PTPN11: variants seen among roughly 807,000 people sequenced by gnomAD.
PTPN11 encodes the protein protein tyrosine phosphatase non-receptor type 11, also known as tyrosine-protein phosphatase non-receptor type 11.
In PTPN11, 6 loss-of-function variants were observed where a neutral mutation model predicts 78.8. The observed-to-expected ratio is 0.08, with a 90% CI of 0.04 to 0.15. The LOEUF (loss-of-function observed/expected upper bound fraction) is 0.15, where lower values mean the gene tolerates loss of function less well. Among genes scored for constraint, PTPN11 ranks in the 10% least tolerant of loss-of-function variants. The pLI, the probability that PTPN11 is intolerant of heterozygous loss-of-function variation, is 1.00. For synonymous variants in PTPN11, 221 were observed against 263.5 expected, an observed-to-expected ratio of 0.84 and a Z score of 1.56; for missense variants, 386 against 744.8, an observed-to-expected ratio of 0.52 and a Z score of 5.61.
At chr12:112,429,964 A>T (rs1400197798) in intron 1 of PTPN11, among the ~76,000 whole-genome samples, 1 of 152,218 alleles carries the variant, frequency 6.6e-6, no homozygotes, top group Non-Finnish European at 1.5e-5. Context: ...GCAAACATTC[A>T]GTAAGTATAG....
intron 11 of PTPN11, chr12:112,487,053 G>T: frequency 2.7e-6 from 1 of 377,168 alleles, no homozygotes; most frequent in South Asian, 6.9e-5. Flanking sequence ...ATTTTTGCTT[G>T]GTTCTCTTTT....
At chr12:112,447,686 G>C (rs2038015652) in intron 2 of PTPN11, among the ~76,000 whole-genome samples, 1 of 151,770 alleles carries the variant, frequency 6.6e-6, no homozygotes, top group African/African-American at 2.4e-5. Context: ...TTTTAGTAGA[G>C]ATGGGGTTTC....
chr12:112,500,202 C>T (rs565894898), intron 13 of PTPN11, among the ~76,000 whole-genome samples: 1 of 152,266 alleles, frequency 6.6e-6, no homozygotes, highest in Middle Eastern at 3.4e-3. Flanking sequence ...GAGATCACAC[C>T]ACTGCACTCC....
chr12:112,442,878 A>ATATATAT (rs2037928825), intron 1 of PTPN11, among the ~76,000 whole-genome samples: 1 of 82,900 alleles, frequency 1.2e-5, no homozygotes, highest in Non-Finnish European at 2.3e-5. Flanking sequence ...ATATATATAT[A>ATATATAT]AATTATATAT....
chr12:112,449,156 G>A (rs1156712731), intron 2 of PTPN11, among the ~76,000 whole-genome samples: 5 of 150,574 alleles, frequency 3.3e-5, no homozygotes, highest in African/African-American at 1.2e-4. Context: ...CAAAGTGCTG[G>A]GATTACAGAC....
rs115302115 is a variant in PTPN11 at position 112,423,112 on chromosome 12, A to G, written c.14+3987A>G. Among the ~76,000 whole-genome samples the G allele has an allele frequency of 7.8e-3, 1,183 of 152,250 alleles. 15 individuals carry two copies. Among genetic ancestry groups the G allele is most frequent in the African/African-American group, 0.026 (1,089 of 41,550 alleles). ...CTAAAATGCAGCCCAGTTCATTACT[A>G]TGAATTTTGGAGGACTTTGTGCCTT... On this transcript the variant is annotated intron_variant, in intron 1 of 15. Transcript: ENST00000351677.
At chr12:112,456,147 G>T (rs1158566234) in intron 6 of PTPN11, 84 bp downstream of exon 6, 11 of 887,448 alleles carry the variant, frequency 1.2e-5, no homozygotes, top group Non-Finnish European at 1.9e-5. Context: ...TTTGGAATTG[G>T]ACCTGAGAGA....
At chr12:112,442,315 T>C (rs61941348) in intron 1 of PTPN11, among the ~76,000 whole-genome samples, 5,972 of 152,208 alleles carry the variant, frequency 0.039, 180 homozygotes, top group South Asian at 0.078. Context: ...GTGTTTTGGA[T>C]TTCAGATTTT....
chr12:112,487,938 C>G (rs1159166477), intron 11 of PTPN11, among the ~76,000 whole-genome samples: 1 of 151,992 alleles, frequency 6.6e-6, no homozygotes, highest in African/African-American at 2.4e-5. Context: ...TACGTGACAA[C>G]ATGCCTGGCT....
At position 112,418,974 on chromosome 12, in the gene PTPN11, G is replaced by T. The variant is rs954071053; in HGVS notation, c.-138G>T. On this transcript the variant is annotated 5_prime_UTR_variant, in exon 1 of 16. Transcript: ENST00000351677. Reference sequence around the variant, plus strand: ...TCTCCGGGATCCCCAGGCCTGGAGGGGGGTCTGTGCGCGGCCGGCTGGCTC... The same window carrying T: ...TCTCCGGGATCCCCAGGCCTGGAGGTGGGTCTGTGCGCGGCCGGCTGGCTC... The T allele has an allele frequency of 2.9e-6, 3 of 1,045,456 alleles. No homozygotes were observed. The highest frequency in any genetic ancestry group is 4.1e-5 in the Admixed American group (2 of 48,396). The allele number at this position is 1,045,456 out of a possible 1,614,324, so 64.8% of individuals were successfully genotyped here.
rs189302362 is a variant in PTPN11, at chr12:112,448,147, T to G, written c.137+1749T>G. 3.3e-5 allele frequency among the ~76,000 whole-genome samples: 5 copies of G among 152,130 alleles called. No homozygotes were observed. In the East Asian group the frequency reaches 9.7e-4, roughly 29 times the overall value. ...CCTACTCCCTTGCACACTATCTCCA[T>G]TCTGTAGGTAGCCATTTCTATTAAT... On this transcript the variant is annotated intron_variant, in intron 2 of 15. Transcript: ENST00000351677.
intron 6 of PTPN11, among the ~76,000 whole-genome samples, chr12:112,469,497 G>A (rs1375053604): frequency 1.3e-5 from 2 of 151,998 alleles, no homozygotes; most frequent in Admixed American, 1.3e-4. Flanking sequence ...ATTTGTGCAA[G>A]TAAGGGCAAT....
At chr12:112,446,161 T>A in intron 1 of PTPN11, 115 bp from the exon 2 acceptor site, 1 of 1,347,098 alleles carries the variant, frequency 7.4e-7, no homozygotes, top group Non-Finnish European at 1.0e-6. Flanking sequence ...AGGTCTTGAT[T>A]TGTATTTTCT....
chr12:112,480,459 C>T (rs919235272), intron 9 of PTPN11, among the ~76,000 whole-genome samples: 4 of 151,724 alleles, frequency 2.6e-5, no homozygotes, highest in African/African-American at 7.3e-5. Flanking sequence ...CTCCGCCTCC[C>T]GGATTCAAGC....
chr12:112,420,116 T>C (rs1045205919), intron 1 of PTPN11, among the ~76,000 whole-genome samples: 18 of 152,204 alleles, frequency 1.2e-4, no homozygotes, highest in African/African-American at 4.1e-4. Flanking sequence ...TTCTATTATT[T>C]TGTAACTATT....
rs2038226044 is a variant in PTPN11, at chr12:112,460,089, A to T, written c.756+4026A>T. 2.0e-5 allele frequency among the ~76,000 whole-genome samples: 3 copies of T among 152,246 alleles called. No individual in the cohort carries two copies. The South Asian group carries it at 6.2e-4, about 32-fold the overall frequency. On this transcript the variant is annotated intron_variant, in intron 6 of 15. Coordinates refer to ENST00000351677, the MANE Select transcript of PTPN11 (RefSeq NM_002834.5). ...CAGCCTCCTGAGTAGCTGGGACTACAGGTGCCCACCACCTCACCTGGCTAG... is the reference window on the plus strand; with the variant it reads ...CAGCCTCCTGAGTAGCTGGGACTACTGGTGCCCACCACCTCACCTGGCTAG...
Position 112,477,671 on chromosome 12 carries a change from C to T in PTPN11, c.874C>T (p.Leu292=), listed in dbSNP as rs930267460. 3.7e-6 allele frequency: 6 copies of T among 1,612,398 alleles called. No individual in the cohort carries two copies. Among genetic ancestry groups the T allele is most frequent in the Admixed American group, 1.7e-5 (1 of 59,984 alleles). Residue 292 remains leucine, a synonymous_variant, in exon 8 of 16, where the codon CTA becomes TTA. Coordinates refer to ENST00000351677, the MANE Select transcript of PTPN11 (RefSeq NM_002834.5). ...ILPFDHTRVV[L]HDGDPNEPVS... is the part of the protein sequence containing the mutation. ...TCTAGTTGATCATACCAGGGTTGTC[C>T]TACACGATGGTGATCCCAATGAGCC... is the stretch of plus-strand genomic sequence containing the variant.
intron 1 of PTPN11, among the ~76,000 whole-genome samples, chr12:112,439,778 C>CTT (rs761248504): frequency 2.1e-5 from 3 of 143,084 alleles, no homozygotes; most frequent in Non-Finnish European, 4.5e-5. Flanking sequence ...CTGGATTGTC[C>CTT]TTTTTTAAAA....
intron 6 of PTPN11, chr12:112,457,275 T>C: frequency 2.5e-6 from 1 of 397,678 alleles, no homozygotes; most frequent in South Asian, 1.8e-5. Context: ...TGTTTGGTTT[T>C]CTGTTCCTGT....
Sources: gnomAD v4.1 joint callset for allele counts (sites outside exome capture counted in the v4.1 genomes callset) on GRCh38, gnomAD v4.1.1 for gene constraint, MANE v1.5 for transcripts, NCBI Gene and HGNC (gene_info 2026-07-23, HGNC 2026-07-21) for gene names.